TANC2: variants seen among roughly 807,000 people sequenced by gnomAD.
The protein encoded by TANC2 is tetratricopeptide repeat, ankyrin repeat and coiled-coil containing 2, also known as protein TANC2.
TANC2 carries 26 observed loss-of-function variants against 210.5 expected under a neutral mutation model. The ratio of observed to expected loss-of-function variants is 0.12; its 90% CI spans 0.09 to 0.17. TANC2 has a LOEUF of 0.17. TANC2 is among the 10% of genes least tolerant of loss of function. The pLI is 1.00. For synonymous variants in TANC2, 931 were observed against 967.1 expected, an observed-to-expected ratio of 0.96 and a Z score of 0.69; for missense variants, 2,129 against 2,608.9, an observed-to-expected ratio of 0.82 and a Z score of 4.01.
intron 5 of TANC2, among the ~76,000 whole-genome samples, chr17:63,163,042 T>C (rs889314760): frequency 6.6e-6 from 1 of 151,430 alleles, no homozygotes; most frequent in Admixed American, 6.6e-5. Context: ...TTAAAGAGGA[T>C]CAAGGGAGTT....
chr17:63,307,914 C>T (rs926558148), intron 9 of TANC2, among the ~76,000 whole-genome samples: 4 of 152,100 alleles, frequency 2.6e-5, no homozygotes, highest in Non-Finnish European at 5.9e-5. Context: ...TACAGGCGCC[C>T]GCTGCCATGC....
At chr17:63,279,778 G>GT (rs1246934147) in intron 9 of TANC2, among the ~76,000 whole-genome samples, 1 of 152,076 alleles carries the variant, frequency 6.6e-6, no homozygotes, top group Non-Finnish European at 1.5e-5. Flanking sequence ...TTCCCAAGGA[G>GT]TCCCCCCCAC....
intron 14 of TANC2, 33 bp downstream of exon 14, chr17:63,355,423 G>A (rs1444879702): frequency 2.7e-6 from 4 of 1,501,464 alleles, no homozygotes; most frequent in African/African-American, 2.8e-5. Flanking sequence ...ACAATTCTGA[G>A]TCTGTTTTCT....
chr17:63,055,323 T>C (rs1408304502), intron 2 of TANC2, among the ~76,000 whole-genome samples: 1 of 152,172 alleles, frequency 6.6e-6, no homozygotes, highest in African/African-American at 2.4e-5. Flanking sequence ...GAACAATCTA[T>C]TAACAGTATT....
At chr17:63,406,553 A>G (rs2048514399) in intron 21 of TANC2, among the ~76,000 whole-genome samples, 1 of 152,216 alleles carries the variant, frequency 6.6e-6, no homozygotes, top group South Asian at 2.1e-4. Context: ...TTAAAAATAT[A>G]TACTCAATAA....
At chr17:63,369,808 A>T (rs2047212783) in intron 14 of TANC2, among the ~76,000 whole-genome samples, 3 of 151,918 alleles carry the variant, frequency 2.0e-5, no homozygotes, top group African/African-American at 7.3e-5. Context: ...TTATCATGGT[A>T]GCCAGGCTGG....
chr17:63,250,358 G>A (rs538817452), intron 8 of TANC2, among the ~76,000 whole-genome samples: 1 of 151,962 alleles, frequency 6.6e-6, no homozygotes, highest in African/African-American at 2.4e-5. Flanking sequence ...GATTGGTCTC[G>A]ATCCCTGGGC....
chr17:63,223,058 C>T (rs924455417), intron 7 of TANC2, among the ~76,000 whole-genome samples: 6 of 152,154 alleles, frequency 3.9e-5, no homozygotes, highest in Admixed American at 3.3e-4. Flanking sequence ...GTATTCCCTT[C>T]TTAGTAGATA....
intron 2 of TANC2, among the ~76,000 whole-genome samples, chr17:63,059,490 A>G (rs2035919389): frequency 6.6e-6 from 1 of 152,176 alleles, no homozygotes; most frequent in Admixed American, 6.5e-5. Context: ...CAAGTTGCAG[A>G]ATGGTGATAT....
intron 9 of TANC2, among the ~76,000 whole-genome samples, chr17:63,284,163 C>G (rs1055525789): frequency 4.0e-5 from 6 of 151,804 alleles, no homozygotes; most frequent in Admixed American, 3.9e-4. Context: ...TTTTTTCAAT[C>G]AGGAATTTAT....
chr17:63,302,599 C>CTTTTTTTTTT lies in TANC2; in HGVS notation c.1160-11770_1160-11761dup, dbSNP rs568226580. 8.8e-5 allele frequency among the ~76,000 whole-genome samples: 2 copies of CTTTTTTTTTT among 22,734 alleles called. 1 individual carries two copies. Among genetic ancestry groups the CTTTTTTTTTT allele is most frequent in the Non-Finnish European group, 1.8e-4 (2 of 10,910 alleles). The allele number at this position is 22,734 out of a possible 152,430, so 14.9% of individuals were successfully genotyped here. A position where few individuals can be genotyped will look rare whatever the true frequency, so the allele number is the denominator to read the frequency against. ...TCAAAGACTAGGATTGCAACCCCTG[C>CTTTTTTTTTT]TTTTTTTTTTTTTTTTTTTTTTTTT... On this transcript the variant is annotated intron_variant, in intron 9 of 27. Coordinates refer to ENST00000689528, the Ensembl canonical transcript of TANC2.
intron 8 of TANC2, among the ~76,000 whole-genome samples, chr17:63,240,937 G>C (rs1292762558): frequency 6.6e-6 from 1 of 152,140 alleles, no homozygotes; most frequent in Admixed American, 6.6e-5. Flanking sequence ...TGGTCTGACT[G>C]TCACAATCTA....
intron 4 of TANC2, among the ~76,000 whole-genome samples, chr17:63,124,178 G>T (rs562008560): frequency 3.2e-4 from 48 of 151,992 alleles, no homozygotes; most frequent in Admixed American, 1.1e-3. Flanking sequence ...TAACCATGAA[G>T]AATTTAGGCA....
chr17:63,427,434 A>G (rs1416134940), exon 28 of TANC2: 1 of 152,246 alleles, frequency 6.6e-6, no homozygotes, highest in Admixed American at 6.5e-5. Flanking sequence ...CTCTCCTGAT[A>G]TATTGAACAC....
intron 3 of TANC2, among the ~76,000 whole-genome samples, chr17:63,091,596 C>A (rs1490672922): frequency 6.6e-6 from 1 of 152,162 alleles, no homozygotes; most frequent in African/African-American, 2.4e-5. Context: ...CAGTACCATG[C>A]TGTTTTGGTT....
chr17:63,009,021 T>C (rs1462370763), intron 1 of TANC2, among the ~76,000 whole-genome samples: 1 of 152,194 alleles, frequency 6.6e-6, no homozygotes, highest in Non-Finnish European at 1.5e-5. Flanking sequence ...TATTGTATTC[T>C]TTTAAGGAAT....
At chr17:63,143,415 G>A (rs1364442337) in intron 4 of TANC2, among the ~76,000 whole-genome samples, 2 of 152,068 alleles carry the variant, frequency 1.3e-5, no homozygotes, top group Non-Finnish European at 2.9e-5. Context: ...AAATTAAATA[G>A]GAATGTCATA....
chr17:63,026,114 G>GC (rs1426527664), intron 2 of TANC2, among the ~76,000 whole-genome samples: 1 of 151,554 alleles, frequency 6.6e-6, no homozygotes, highest in Admixed American at 6.6e-5. Context: ...GTCTTTCCTT[G>GC]CCACCAGATC....
intron 5 of TANC2, among the ~76,000 whole-genome samples, chr17:63,170,184 T>G (rs2040355390): frequency 6.6e-6 from 1 of 151,618 alleles, no homozygotes; most frequent in African/African-American, 2.4e-5. Context: ...TCCCAGCACT[T>G]TGGGAGGCCG....
Sources: allele counts gnomAD v4.1 joint callset (sites outside exome capture counted in the v4.1 genomes callset), GRCh38; gene constraint gnomAD v4.1.1; transcripts MANE v1.5; gene names NCBI Gene and HGNC (gene_info 2026-07-23, HGNC 2026-07-21).